The following CNBD1 variants were observed in gnomAD, a reference collection of about 807,000 sequenced individuals.
CNBD1 encodes the protein cyclic nucleotide binding domain containing 1.
A neutral mutation model predicts 54.4 loss-of-function variants in CNBD1; 71 were observed. The ratio of observed to expected loss-of-function variants is 1.30; its 90% confidence interval spans 1.08 to 1.59. The LOEUF is 1.59. CNBD1 is among the 40% of genes most tolerant of loss of function. CNBD1 has a pLI of 0.00. For synonymous variants in CNBD1, 182 were observed against 170.7 expected (o/e 1.07, Z -0.51); for missense variants, 659 against 518.0 (o/e 1.27, Z -2.64).
intron 8 of CNBD1, among the ~76,000 whole-genome samples, chr8:87,334,578 C>CTT (rs35363587): frequency 0.57 from 85,945 of 151,600 alleles, 25,849 homozygotes; most frequent in African/African-American, 0.77. Context: ...GTATGTTTTT[C>CTT]TGTTTTTATT....
chr8:87,355,770 A>G (rs77678067), intron 10 of CNBD1, among the ~76,000 whole-genome samples: 5,306 of 152,178 alleles, frequency 0.035, 299 homozygotes, highest in African/African-American at 0.12. Flanking sequence ...CTGAATTTCA[A>G]TTATGTTTTA....
At chr8:87,292,773 A>G (rs956607540) in intron 8 of CNBD1, among the ~76,000 whole-genome samples, 8 of 152,192 alleles carry the variant, frequency 5.3e-5, no homozygotes, top group African/African-American at 1.9e-4. Flanking sequence ...ATCTGGAAGA[A>G]GTCAGGAGCA....
chr8:87,016,797 A>G (rs1451113402), intron 4 of CNBD1, among the ~76,000 whole-genome samples: 1 of 152,216 alleles, frequency 6.6e-6, no homozygotes, highest in Non-Finnish European at 1.5e-5. Flanking sequence ...TAGGCCAGAT[A>G]ATGCCCATTA....
At chr8:87,031,128 GAT>G (rs1351812649) in intron 4 of CNBD1, among the ~76,000 whole-genome samples, 1 of 151,310 alleles carries the variant, frequency 6.6e-6, no homozygotes, top group East Asian at 1.9e-4. Context: ...TTTCAGCATC[GAT>G]ATATAATTAA....
chr8:87,411,726 C>T (rs927529413), intron 2 of CNBD1, among the ~76,000 whole-genome samples: 4 of 150,730 alleles, frequency 2.7e-5, no homozygotes, highest in Admixed American at 1.3e-4. Context: ...AAATTTTCAC[C>T]ACCAAGTTAT....
At chr8:87,377,852 G>C (rs1404012089) in intron 10 of CNBD1, among the ~76,000 whole-genome samples, 5 of 151,074 alleles carry the variant, frequency 3.3e-5, no homozygotes, top group Admixed American at 2.6e-4. Flanking sequence ...ATTCTAACTG[G>C]TGTGAGATGA....
intron 4 of CNBD1, among the ~76,000 whole-genome samples, chr8:86,978,109 T>G (rs1453909519): frequency 6.6e-6 from 1 of 152,214 alleles, no homozygotes; most frequent in Non-Finnish European, 1.5e-5. Context: ...AAGATTGGAA[T>G]GTACTGTATC....
At chr8:86,974,947 T>A (rs752567936) in intron 4 of CNBD1, among the ~76,000 whole-genome samples, 1 of 151,968 alleles carries the variant, frequency 6.6e-6, no homozygotes, top group Non-Finnish European at 1.5e-5. Flanking sequence ...CATTTACAAA[T>A]GCAAACACTA....
At chr8:87,339,407 G>A (rs888937875) in intron 8 of CNBD1, among the ~76,000 whole-genome samples, 9 of 152,106 alleles carry the variant, frequency 5.9e-5, no homozygotes, top group Middle Eastern at 3.2e-3. Context: ...TTCAGCTTAT[G>A]GGTTTCTGCT....
At chr8:87,252,182 A>G (rs943685040) in intron 6 of CNBD1, among the ~76,000 whole-genome samples, 2 of 152,174 alleles carry the variant, frequency 1.3e-5, no homozygotes, top group Non-Finnish European at 2.9e-5. Flanking sequence ...GTGGTCCAAG[A>G]TATACTAAAT....
chr8:87,417,105 A>T (rs1469442835), intron 2 of CNBD1, among the ~76,000 whole-genome samples: 1 of 152,018 alleles, frequency 6.6e-6, no homozygotes, highest in African/African-American at 2.4e-5. Context: ...TACCAAAGAC[A>T]TAATTTATAA....
chr8:87,364,742 T>C (rs529880633), intron 10 of CNBD1, among the ~76,000 whole-genome samples: 2 of 152,170 alleles, frequency 1.3e-5, no homozygotes, highest in African/African-American at 2.4e-5. Context: ...AAATATGCTG[T>C]ATTTGGTTTT....
chr8:87,394,923 A>T (rs973407529), intron 2 of CNBD1, among the ~76,000 whole-genome samples: 1 of 151,910 alleles, frequency 6.6e-6, no homozygotes, highest in African/African-American at 2.4e-5. Flanking sequence ...ATGAGACATT[A>T]TTACCATTAA....
intron 2 of CNBD1, among the ~76,000 whole-genome samples, chr8:87,399,062 T>G (rs1271037856): frequency 2.0e-5 from 3 of 152,088 alleles, no homozygotes; most frequent in Non-Finnish European, 2.9e-5. Flanking sequence ...AAAAGAAAAC[T>G]ACTTATTTCA....
At chr8:87,312,445 A>G (rs940190902) in intron 8 of CNBD1, among the ~76,000 whole-genome samples, 31 of 152,016 alleles carry the variant, frequency 2.0e-4, no homozygotes, top group Non-Finnish European at 1.8e-4. Flanking sequence ...ATGTTAATTC[A>G]AGGCTTCCCA....
intron 8 of CNBD1, among the ~76,000 whole-genome samples, chr8:87,307,380 T>G (rs1434450016): frequency 6.6e-6 from 1 of 152,122 alleles, no homozygotes; most frequent in Admixed American, 6.6e-5. Flanking sequence ...TAGAGTCAGG[T>G]TATTTGGCAG....
At chr8:86,922,180 C>T (rs1309302285) in intron 3 of CNBD1, among the ~76,000 whole-genome samples, 1 of 152,136 alleles carries the variant, frequency 6.6e-6, no homozygotes, top group African/African-American at 2.4e-5. Context: ...GCCACCTTAG[C>T]TGATACTCTA....
chr8:86,998,735 G>C (rs916394908), intron 4 of CNBD1, among the ~76,000 whole-genome samples: 2 of 152,088 alleles, frequency 1.3e-5, no homozygotes, highest in African/African-American at 4.8e-5. Flanking sequence ...TGAATGATTT[G>C]GAAATACATG....
intron 4 of CNBD1, among the ~76,000 whole-genome samples, chr8:86,970,414 C>T (rs1407937588): frequency 1.3e-5 from 2 of 152,044 alleles, no homozygotes; most frequent in Non-Finnish European, 2.9e-5. Context: ...CCCCTTTTAG[C>T]TAGGACTTAT....
Sources: allele counts gnomAD v4.1 joint callset (sites outside exome capture counted in the v4.1 genomes callset), GRCh38; gene constraint gnomAD v4.1.1; transcripts MANE v1.5; gene names NCBI Gene and HGNC (gene_info 2026-07-23, HGNC 2026-07-21).